The following PRR27 variants were observed in gnomAD, a reference collection of about 807,000 sequenced individuals.
The protein encoded by PRR27 is proline-rich protein 27.
A neutral mutation model predicts 16.8 loss-of-function variants in PRR27; 12 were observed. That is an observed-to-expected ratio of 0.71 (90% CI 0.46 to 1.16). PRR27 has a LOEUF of 1.16. Among genes scored for constraint, PRR27 ranks in the 50% most tolerant of loss-of-function variants. The pLI, the probability that PRR27 is intolerant of heterozygous loss-of-function variation, is 0.00. For synonymous variants in PRR27, 100 were observed against 98.4 expected (o/e 1.02, Z -0.10); for missense variants, 277 against 273.3 (o/e 1.01, Z -0.10).
chr4:70,161,141 G>T (rs1335293779), intron 3 of PRR27, among the ~76,000 whole-genome samples: 1 of 92,844 alleles, frequency 1.1e-5, no homozygotes, highest in Non-Finnish European at 2.1e-5. Flanking sequence ...CATCTGCTGG[G>T]GTATTATGAA....
chr4:70,158,977 C>A, intron 3 of PRR27, 77 bp downstream of exon 3: 2 of 1,308,086 alleles, frequency 1.5e-6, no homozygotes, highest in Non-Finnish European at 2.1e-6. Context: ...AACCACTCCC[C>A]AAGCAAATCT....
intron 1 of PRR27, 45 bp downstream of exon 1, chr4:70,154,471 T>G: frequency 6.8e-7 from 1 of 1,460,180 alleles, no homozygotes; most frequent in East Asian, 2.3e-5. Context: ...TATAACCATT[T>G]GCTAATTGTT....
Position 70,158,567 on chromosome 4 carries a change from T to A in PRR27, c.315T>A (p.Pro105=). 2 of 1,614,102 alleles carry A rather than the reference T, an allele frequency of 1.2e-6. No individual in the cohort carries two copies. Among genetic ancestry groups the A allele is most frequent in the Non-Finnish European group, 1.7e-6 (2 of 1,180,008 alleles). Residue 105 remains proline, a synonymous_variant, in exon 3 of 5, where the codon CCT becomes CCA. Transcript: ENST00000344526. ...CTCAGTTGAATGTTCCTCCTCTCCC[T>A]CCTAGGGGTTTCCCGTTTGTCCCTC... ...LATQLNVPPL[P]PRGFPFVPPS... is the part of the protein sequence containing the mutation.
In PRR27 at chr4:70,160,437, C is replaced by CTGTGTGTGTGTGTG. The variant is rs1413873981; in HGVS notation, c.649-1148_649-1147insGTGTGTGTGTGTGT. Among the ~76,000 whole-genome samples the CTGTGTGTGTGTGTG allele has an allele frequency of 4.3e-3, 336 of 77,876 alleles. 3 individuals carry two copies. The highest frequency in any genetic ancestry group is 0.029 in the East Asian group (61 of 2,124). The allele number at this position is 77,876 out of a possible 152,430, so 51.1% of individuals were successfully genotyped here. A position where few individuals can be genotyped will look rare whatever the true frequency, so the allele number is the denominator to read the frequency against. On this transcript the variant is annotated intron_variant, in intron 3 of 4. Transcript: ENST00000344526. The stretch of plus-strand genomic sequence containing the variant: ...TCTCTCTCTCTCTCTCTCTCTCTCT[C>CTGTGTGTGTGTGTG]TCTCTCTGTGTGTGTGTGTGTGTGT...
chr4:70,154,357 A>G lies in PRR27; in HGVS notation c.-19A>G. ...AAAACAATAAATTTATAGTGTTAAT[A>G]TTCATAGGGTCAATCAAAATGAAGC... On this transcript the variant is annotated 5_prime_UTR_variant, in exon 1 of 5. In the 5' UTR this introduces an upstream ATG that the reference lacks. Transcript: ENST00000344526. 2 of 1,587,984 alleles carry G rather than the reference A, an allele frequency of 1.3e-6. No individual in the cohort carries two copies. Among genetic ancestry groups the G allele is most frequent in the Non-Finnish European group, 1.7e-6 (2 of 1,156,730 alleles).
intron 4 of PRR27, among the ~76,000 whole-genome samples, chr4:70,161,928 G>A (rs912647453): frequency 2.0e-5 from 3 of 152,170 alleles, no homozygotes; most frequent in African/African-American, 7.2e-5. Flanking sequence ...CCTTTAACGT[G>A]GGAAAAGAGG....
rs1728726275 is a variant in PRR27, at chr4:70,164,686, A to G, written c.*2025A>G. On this transcript the variant is annotated 3_prime_UTR_variant, in exon 5 of 5. Transcript: ENST00000344526. ...GTCAAAATTCAGGCTTTTTGTGTGA[A>G]TTGAAGACTTAAAGAAGAATTTGTA... 1 of 152,104 alleles carries G rather than the reference A, an allele frequency of 6.6e-6. No homozygotes were observed. The highest frequency in any genetic ancestry group is 1.5e-5 in the Non-Finnish European group (1 of 67,982). 9.4% of individuals were successfully genotyped at this position (152,104 alleles called of 1,614,324 possible). A position where few individuals can be genotyped will look rare whatever the true frequency, so the allele number is the denominator to read the frequency against.
At position 70,166,005 on chromosome 4, in the gene PRR27, T is replaced by C. The variant is rs62305550; in HGVS notation, c.*3344T>C. 1 of 152,060 alleles carries C rather than the reference T, an allele frequency of 6.6e-6. No homozygotes were observed. Among genetic ancestry groups the C allele is most frequent in the Non-Finnish European group, 1.5e-5 (1 of 67,952 alleles). The allele number at this position is 152,060 out of a possible 1,614,324, so 9.4% of individuals were successfully genotyped here. On this transcript the variant is annotated 3_prime_UTR_variant, in exon 5 of 5. Transcript: ENST00000344526. ...CTGGCTTTTTTCTAAAATTTTAGTA[T>C]GCATTTATGTGGCACTTAATATATA...
intron 3 of PRR27, among the ~76,000 whole-genome samples, chr4:70,159,365 G>A (rs529271083): frequency 1.2e-4 from 19 of 152,184 alleles, no homozygotes; most frequent in South Asian, 8.3e-4. Flanking sequence ...ATACAGATAC[G>A]CCGTAATTCA....
At position 70,158,446 on chromosome 4, in the gene PRR27, A is replaced by ATACT. The variant is rs777142041; in HGVS notation, c.198_201dup (p.Thr68LeufsTer3). The ATACT allele has an allele frequency of 2.1e-5, 34 of 1,613,864 alleles. No individual in the cohort carries two copies. In the African/African-American group the frequency reaches 3.6e-4, roughly 17 times the overall value. On this transcript the variant is annotated frameshift_variant, in exon 3 of 5. Transcript: ENST00000344526. LOFTEE classifies it high-confidence loss of function. Reference sequence around the variant, plus strand: ...AATACAGTCCCCAGTTACCCTGGGAATACTTACACTGACACAGGGTTACCT... The same window carrying ATACT: ...AATACAGTCCCCAGTTACCCTGGGAATACTTACTTACACTGACACAGGGTTACCT...
At position 70,163,257 on chromosome 4, in the gene PRR27, C is replaced by T. The variant is rs1212975628; in HGVS notation, c.*596C>T. 6.6e-6 allele frequency: 1 copy of T among 151,936 alleles called. No individual in the cohort carries two copies. Among genetic ancestry groups the T allele is most frequent in the East Asian group, 1.9e-4 (1 of 5,184 alleles). The allele number at this position is 151,936 out of a possible 1,614,324, so 9.4% of individuals were successfully genotyped here. A position where few individuals can be genotyped will look rare whatever the true frequency, so the allele number is the denominator to read the frequency against. On this transcript the variant is annotated 3_prime_UTR_variant, in exon 5 of 5. Coordinates refer to ENST00000344526, the MANE Select transcript of PRR27 (RefSeq NM_214711.4). Reference sequence around the variant, plus strand: ...ATCCTAATACTTCTAACCTTCTCCACTGCATCTAGCCAACTCTAGCTATTG... The same window carrying T: ...ATCCTAATACTTCTAACCTTCTCCATTGCATCTAGCCAACTCTAGCTATTG...
At position 70,164,614 on chromosome 4, in the gene PRR27, T is replaced by C. The variant is rs1473661583; in HGVS notation, c.*1953T>C. The C allele has an allele frequency of 6.6e-6, 1 of 152,150 alleles. No homozygotes were observed. Among genetic ancestry groups the C allele is most frequent in the African/African-American group, 2.4e-5 (1 of 41,446 alleles). 9.4% of individuals were successfully genotyped at this position (152,150 alleles called of 1,614,324 possible). On this transcript the variant is annotated 3_prime_UTR_variant, in exon 5 of 5. Coordinates refer to ENST00000344526, the MANE Select transcript of PRR27 (RefSeq NM_214711.4). The stretch of plus-strand genomic sequence containing the variant: ...GCAATATTCACTTCTAAATATTTAA[T>C]GATAAATTTGTAATCATACATGATA...
chr4:70,154,513 T>C (rs1422942165), intron 1 of PRR27, 87 bp downstream of exon 1: 4 of 1,093,784 alleles, frequency 3.7e-6, no homozygotes, highest in East Asian at 2.4e-5. Context: ...TAAAGTACTA[T>C]AGTGTTTGTA....
chr4:70,154,301 A>C lies in PRR27; in HGVS notation c.-75A>C. ...TTCGTTTCTCTCTAAAAGAAGAAAA[A>C]TATAATTTAAAAATACATTGCGTAT... On this transcript the variant is annotated 5_prime_UTR_variant, in exon 1 of 5. Transcript: ENST00000344526. 8.0e-7 allele frequency: 1 copy of C among 1,248,978 alleles called. No homozygotes were observed. Among genetic ancestry groups the C allele is most frequent in the Non-Finnish European group, 1.1e-6 (1 of 871,466 alleles). 77.4% of individuals were successfully genotyped at this position (1,248,978 alleles called of 1,614,324 possible). A position where few individuals can be genotyped will look rare whatever the true frequency, so the allele number is the denominator to read the frequency against.
At position 70,158,910 on chromosome 4, in the gene PRR27, TTA is replaced by T. The variant is rs1161798693; in HGVS notation, c.648+14_648+15del. The T allele has an allele frequency of 6.2e-7, 1 of 1,607,948 alleles. No individual in the cohort carries two copies. The highest frequency in any genetic ancestry group is 8.5e-7 in the Non-Finnish European group (1 of 1,176,036). ...TCCCTCTCTTGAACAGGTAGGTTGT[TTA>T]TATCTTACCACTATAATGTATGAGA... On this transcript the variant is annotated intron_variant, in intron 3 of 4. Coordinates refer to ENST00000344526, the MANE Select transcript of PRR27 (RefSeq NM_214711.4).
intron 4 of PRR27, 116 bp downstream of exon 4, chr4:70,161,746 A>C (rs1471125320): frequency 2.2e-6 from 1 of 460,172 alleles, no homozygotes; most frequent in Non-Finnish European, 3.9e-6. Flanking sequence ...GAGAAAGTGG[A>C]GCTTAGAGAA....
At chr4:70,156,187 G>C (rs1175963556) in intron 2 of PRR27, 110 bp downstream of exon 2, 6 of 523,194 alleles carry the variant, frequency 1.1e-5, no homozygotes, top group Non-Finnish European at 2.0e-5. Flanking sequence ...GACTGCTATT[G>C]CTCTTAAAAT....
chr4:70,161,156 G>GTATATATATATATA (rs371303125), intron 3 of PRR27, among the ~76,000 whole-genome samples: 3,126 of 93,622 alleles, frequency 0.033, 97 homozygotes, highest in East Asian at 0.059. Context: ...TATGAACACT[G>GTATATATATATATA]TATATATATA....
chr4:70,154,335 A>G lies in PRR27; in HGVS notation c.-41A>G, dbSNP rs1212549794. ...AAAAATACATTGCGTATTTTCTAAA[A>G]CAATAAATTTATAGTGTTAATATTC... On this transcript the variant is annotated 5_prime_UTR_variant, in exon 1 of 5. Transcript: ENST00000344526. The G allele has an allele frequency of 6.8e-7, 1 of 1,480,198 alleles. No homozygotes were observed. The highest frequency in any genetic ancestry group is 9.4e-7 in the Non-Finnish European group (1 of 1,065,228). The allele number at this position is 1,480,198 out of a possible 1,614,324, so 91.7% of individuals were successfully genotyped here. A position where few individuals can be genotyped will look rare whatever the true frequency, so the allele number is the denominator to read the frequency against.
Sources: allele counts gnomAD v4.1 joint callset (sites outside exome capture counted in the v4.1 genomes callset), GRCh38; gene constraint gnomAD v4.1.1; transcripts MANE v1.5; gene names NCBI Gene and HGNC (gene_info 2026-07-23, HGNC 2026-07-21).